Variants in MEFV observed in about 807,000 individuals in gnomAD.
MEFV encodes MEFV innate immunity regulator, pyrin.
MEFV carries 60 observed loss-of-function variants against 62.5 expected under a neutral mutation model. The observed-to-expected ratio is 0.96, with a 90% CI of 0.78 to 1.19. MEFV has a LOEUF of 1.19. MEFV is among the 50% of genes most tolerant of loss of function. The pLI, the probability that MEFV is intolerant of heterozygous loss-of-function variation, is 0.00. For synonymous variants in MEFV, 500 were observed against 415.2 expected (o/e 1.20, Z -2.48); for missense variants, 1,169 against 1,004.5 (o/e 1.16, Z -2.21).
intron 4 of MEFV, among the ~76,000 whole-genome samples, chr16:3,248,294 A>T (rs903549179): frequency 6.6e-6 from 1 of 151,430 alleles, no homozygotes; most frequent in Non-Finnish European, 1.5e-5. Flanking sequence ...TAAATTATGA[A>T]GTTAAAAGTG....
chr16:3,247,550 AT>A, intron 4 of MEFV: 1 of 377,586 alleles, frequency 2.6e-6, no homozygotes, highest in East Asian at 5.0e-5. Flanking sequence ...TTATTTGGAG[AT>A]AAGAGTTCTT....
Position 3,247,085 on chromosome 16 carries a change from G to C in MEFV, c.1518C>G (p.Ile506Met). 1 of 1,614,178 alleles carries C rather than the reference G, an allele frequency of 6.2e-7. No homozygotes were observed. Among genetic ancestry groups the C allele is most frequent in the Non-Finnish European group, 8.5e-7 (1 of 1,180,040 alleles). ...CCCCAATCAGCGCATCGAGCAGGGC[G>C]ATGTCCTGGGATACGCGGGTGTCAT... Reference protein sequence around the residue: ...KAYDTRVSQDIALLDALIGEL... With the variant: ...KAYDTRVSQDMALLDALIGEL... Residue 506 changes from isoleucine (I) to methionine (M), a missense_variant, in exon 5 of 10, where the codon ATC becomes ATG. Physicochemically the swap from Ile to Met is conservative, Grantham distance 10 (BLOSUM62 1). Transcript: ENST00000219596.
At chr16:3,254,129 G>A (rs11466019) in intron 2 of MEFV, 29 bp downstream of exon 2, 9 of 1,610,614 alleles carry the variant, frequency 5.6e-6, no homozygotes, top group African/African-American at 1.3e-5. Flanking sequence ...CTCTGCAGCC[G>A]ATATAAAGTA....
In MEFV at chr16:3,247,045, C is replaced by G; in HGVS notation, c.1558G>C (p.Glu520Gln). The G allele has an allele frequency of 1.2e-6, 2 of 1,614,250 alleles. No individual in the cohort carries two copies. Among genetic ancestry groups the G allele is most frequent in the Non-Finnish European group, 1.7e-6 (2 of 1,180,042 alleles). Residue 520 changes from glutamate (E) to glutamine (Q), a missense_variant, in exon 5 of 10, where the codon GAG (glutamate) becomes CAG (glutamine). Physicochemically the swap from Glu to Gln is conservative, Grantham distance 29. Coordinates refer to ENST00000219596, the MANE Select transcript of MEFV (RefSeq NM_000243.3). ...DALIGELEAKECQSEWELLQD... is the reference protein window; with the variant it reads ...DALIGELEAKQCQSEWELLQD... Reference sequence around the variant, plus strand: ...AGAAGTTCCCATTCTGACTGGCACTCCTTGGCCTCCAGTTCCCCAATCAGC... The same window carrying G: ...AGAAGTTCCCATTCTGACTGGCACTGCTTGGCCTCCAGTTCCCCAATCAGC...
chr16:3,251,665 G>A (rs1196720404), intron 2 of MEFV, among the ~76,000 whole-genome samples: 20 of 152,184 alleles, frequency 1.3e-4, no homozygotes, highest in Admixed American at 1.3e-3. Flanking sequence ...AAAGGCAAAT[G>A]GTAGAATCTC....
At chr16:3,255,010 C>A (rs1485489110) in intron 1 of MEFV, among the ~76,000 whole-genome samples, 1 of 152,108 alleles carries the variant, frequency 6.6e-6, no homozygotes, top group Non-Finnish European at 1.5e-5. Flanking sequence ...GGTGAAACCC[C>A]GTCTCTACTA....
chr16:3,248,702 G>A (rs1958982267), intron 4 of MEFV: 42 of 1,416,396 alleles, frequency 3.0e-5, no homozygotes, highest in Non-Finnish European at 3.7e-5. Flanking sequence ...AGCATGACAG[G>A]ATCCTCAGAG....
At position 3,243,876 on chromosome 16, in the gene MEFV, G is replaced by A. The variant is rs104895161; in HGVS notation, c.1776C>T (p.Gly592=). ...GGCACTTACCAGCATGTGCCTGAGCGCCAATCAGCTCCGGAACTACGGAGA... is the reference window on the plus strand; with the variant it reads ...GGCACTTACCAGCATGTGCCTGAGCACCAATCAGCTCCGGAACTACGGAGA... ...MEMFNVPELI[G]AQAHAVNVIL... Residue 592 remains glycine (G), a synonymous_variant, in exon 9 of 10, where the codon GGC becomes GGT. Coordinates refer to ENST00000219596, the MANE Select transcript of MEFV (RefSeq NM_000243.3). 29 of 1,613,920 alleles carry A rather than the reference G, an allele frequency of 1.8e-5. No homozygotes were observed. Among genetic ancestry groups the A allele is most frequent in the African/African-American group, 1.2e-4 (9 of 75,014 alleles).
At chr16:3,251,494 C>T (rs755043503) in intron 2 of MEFV, among the ~76,000 whole-genome samples, 16 of 152,126 alleles carry the variant, frequency 1.1e-4, no homozygotes, top group Admixed American at 2.0e-4. Flanking sequence ...TGCCTGGGAC[C>T]GCCTGTGTAT....
At chr16:3,248,851 T>C in intron 4 of MEFV, 58 bp downstream of exon 4, 2 of 1,611,648 alleles carry the variant, frequency 1.2e-6, no homozygotes, top group Non-Finnish European at 1.7e-6. Flanking sequence ...GGACCCCTGC[T>C]CACTCTTCCC....
chr16:3,245,497 G>C lies in MEFV; in HGVS notation c.1611-909C>G, dbSNP rs138761776. ...TCTACCAAAAAAATTAGCTGGGCAT[G>C]GTGGCACGCTCCTGTAGTCCCAGCT... On this transcript the variant is annotated intron_variant, in intron 6 of 9. Transcript: ENST00000219596. Among the ~76,000 whole-genome samples the C allele has an allele frequency of 8.7e-3, 1,319 of 152,210 alleles. 13 individuals carry two copies. Among genetic ancestry groups the C allele is most frequent in the African/African-American group, 0.029 (1,225 of 41,534 alleles).
At position 3,247,124 on chromosome 16, in the gene MEFV, C is replaced by A; in HGVS notation, c.1479G>T (p.Gln493His). 6.2e-7 allele frequency: 1 copy of A among 1,614,264 alleles called. No individual in the cohort carries two copies. Among genetic ancestry groups the A allele is most frequent in the Non-Finnish European group, 8.5e-7 (1 of 1,180,050 alleles). ...CGCGGGTGTCATATGCCTTCCTGATCTGCCCAACCATCTGGCCCACGTCCT... is the reference window on the plus strand; with the variant it reads ...CGCGGGTGTCATATGCCTTCCTGATATGCCCAACCATCTGGCCCACGTCCT... ...SLEDVGQMVG[Q>H]IRKAYDTRVS... The change falls in exon 5 of 10, where the codon CAG becomes CAT. Residue 493 changes from glutamine to histidine, a missense_variant. Transcript: ENST00000219596.
Position 3,244,298 on chromosome 16 carries a change from G to C in MEFV, c.1727-12C>G, listed in dbSNP as rs1405568834. 5 of 1,613,950 alleles carry C rather than the reference G, an allele frequency of 3.1e-6. No homozygotes were observed. The highest frequency in any genetic ancestry group is 1.3e-5 in the African/African-American group (1 of 74,924). Reference sequence around the variant, plus strand: ...TGAACGCAGGGTTTCTAAAATGTGGGAAAGGGAGCAGAGAGAAGCTGGAGT... The same window carrying C: ...TGAACGCAGGGTTTCTAAAATGTGGCAAAGGGAGCAGAGAGAAGCTGGAGT... On this transcript the variant is annotated splice_polypyrimidine_tract_variant and intron_variant, in intron 7 of 9. Coordinates refer to ENST00000219596, the MANE Select transcript of MEFV (RefSeq NM_000243.3).
At chr16:3,251,198 T>C (rs1212719671) in intron 2 of MEFV, among the ~76,000 whole-genome samples, 1 of 152,120 alleles carries the variant, frequency 6.6e-6, no homozygotes, top group Non-Finnish European at 1.5e-5. Flanking sequence ...ATTGTCCACG[T>C]TTCCCTGTTT....
chr16:3,249,718 C>T lies in MEFV; in HGVS notation c.973G>A (p.Gly325Ser), dbSNP rs146862274. ...CHAQEGDPVDGTCVRDSCSFP... is the reference protein window; with the variant it reads ...CHAQEGDPVDSTCVRDSCSFP... ...CTGCAGGAATCACGCACACAGGTAC[C>T]GTCAACTGGGTCTCCTTCCTGGGCG... Residue 325 changes from glycine (G) to serine (S), a missense_variant, in exon 3 of 10, where the codon GGT (glycine) becomes AGT (serine). Transcript: ENST00000219596. 66 of 1,614,006 alleles carry T rather than the reference C, an allele frequency of 4.1e-5. No homozygotes were observed. The East Asian group carries it at 9.4e-4, about 23-fold the overall frequency.
intron 4 of MEFV, chr16:3,247,916 C>T (rs1479868330): frequency 7.7e-6 from 1 of 129,090 alleles, no homozygotes; most frequent in Non-Finnish European, 1.6e-5. Context: ...GCCTGGACGA[C>T]GGAGTGAGAT....
At position 3,243,151 on chromosome 16, in the gene MEFV, C is replaced by A. The variant is rs1459541096; in HGVS notation, c.2336G>T (p.Gly779Val). 6.2e-7 allele frequency: 1 copy of A among 1,613,248 alleles called. No individual in the cohort carries two copies. The highest frequency in any genetic ancestry group is 8.5e-7 in the Non-Finnish European group (1 of 1,180,008). Residue 779 changes from glycine to valine, a missense_variant, in exon 10 of 10, where the codon GGG (glycine) becomes GTG (valine). Gly to Val is a moderately radical substitution (Grantham distance 109, BLOSUM62 -3). Transcript: ENST00000219596. ...PLTICPVGGQGPD is the reference protein window; with the variant it reads ...PLTICPVGGQVPD ...TGCAGTGTTGGGCATTCAGTCAGGC[C>A]CCTGACCACCCACTGGACAGATAGT...
At chr16:3,246,332 G>A (rs1958941955) in intron 6 of MEFV, 193 bp downstream of exon 6, 2 of 635,882 alleles carry the variant, frequency 3.1e-6, no homozygotes, top group Non-Finnish European at 5.5e-6. Context: ...TACCCGGCCA[G>A]CCTCCCTGCT....
At position 3,248,933 on chromosome 16, in the gene MEFV, C is replaced by T; in HGVS notation, c.1332G>A (p.Gly444=). 6.2e-7 allele frequency: 1 copy of T among 1,614,208 alleles called. No individual in the cohort carries two copies. Among genetic ancestry groups the T allele is most frequent in the Non-Finnish European group, 8.5e-7 (1 of 1,180,022 alleles). The part of the protein sequence containing the change: ...RKSGEEQRSY[G]EEKAVSFLKQ... The stretch of plus-strand genomic sequence containing the variant: ...CCAGAAAGCTCACTGCCTTCTCCTC[C>T]CCATAGGATCGCTGCTCCTCCCCTG... The change falls in exon 4 of 10, where the codon GGG becomes GGA. Residue 444 remains glycine (G), a synonymous_variant. Coordinates refer to ENST00000219596, the MANE Select transcript of MEFV (RefSeq NM_000243.3).
Sources: allele counts gnomAD v4.1 joint callset (sites outside exome capture counted in the v4.1 genomes callset), GRCh38; gene constraint gnomAD v4.1.1; transcripts MANE v1.5; gene names NCBI Gene and HGNC (gene_info 2026-07-23, HGNC 2026-07-21).